BMX: variants seen among roughly 807,000 people sequenced by gnomAD.
The protein encoded by BMX is BMX non-receptor tyrosine kinase.
Under a neutral mutation model 59.2 loss-of-function variants are expected in BMX, and 31 were observed. The observed-to-expected ratio is 0.52, with a 90% CI of 0.39 to 0.71. The LOEUF (loss-of-function observed/expected upper bound fraction) is 0.71. Ranked by LOEUF, BMX falls within the 30% of genes least tolerant of loss-of-function variation. BMX has a pLI of 0.00. For missense variants in BMX, 474 were observed against 491.7 expected, an observed-to-expected ratio of 0.96 and a Z score of 0.34; for synonymous variants, 185 against 181.0, an observed-to-expected ratio of 1.02 and a Z score of -0.18.
chrX:15,503,403 A>G, intron 1 of BMX, among the ~76,000 whole-genome samples: 1 of 112,592 alleles, frequency 8.9e-6, no homozygotes, highest in East Asian at 2.8e-4. Context: ...ATTTATGGGT[A>G]GTTTCACCAA....
At chrX:15,553,132 A>G (rs1294523027) in intron 18 of BMX, among the ~76,000 whole-genome samples, 1 of 112,233 alleles carries the variant, frequency 8.9e-6, no homozygotes. Flanking sequence ...GGACCTGGAT[A>G]AATAAAAGCT....
chrX:15,516,824 C>T (rs776293854), intron 5 of BMX, among the ~76,000 whole-genome samples: 9 of 111,329 alleles, frequency 8.1e-5, no homozygotes, highest in Non-Finnish European at 1.3e-4. Flanking sequence ...GGCTGCTTTA[C>T]GTGAAATCAG....
chrX:15,516,753 T>C (rs1924178601), intron 5 of BMX, among the ~76,000 whole-genome samples: 1 of 111,235 alleles, frequency 9.0e-6, no homozygotes, highest in Non-Finnish European at 1.9e-5. Flanking sequence ...TTAAAATATA[T>C]ATTTAAAGCA....
rs1353106596 is a variant in BMX, at chrX:15,549,958, G to A, written c.1914G>A (p.Ser638=). Residue 638 remains serine (S), a synonymous_variant, in exon 18 of 19, where the codon TCG becomes TCA. Transcript: ENST00000348343. The part of the protein sequence containing the change: ...GHRLYRPHLA[S]DTIYQIMYSC... ...GGCTTTACCGGCCCCACCTGGCATC[G>A]GACACCATCTACCAGATCATGTACA... The A allele has an allele frequency of 9.1e-6, 11 of 1,206,996 alleles. No individual in the cohort carries two copies. The South Asian group carries it at 1.1e-4, about 12-fold the overall frequency.
chrX:15,556,344 T>C lies in BMX; in HGVS notation c.*197T>C, dbSNP rs986711876. The C allele has an allele frequency of 8.1e-6, 3 of 368,529 alleles. No individual in the cohort carries two copies. Among genetic ancestry groups the C allele is most frequent in the Admixed American group, 1.1e-4 (2 of 18,711 alleles). 30.4% of individuals were successfully genotyped at this position (368,529 alleles called of 1,213,427 possible). A position where few individuals can be genotyped will look rare whatever the true frequency, so the allele number is the denominator to read the frequency against. ...TTTAGATCAAATTAGTAATTTTGTTTATGCTGCTCCTGATATAACACTTTC... is the reference window on the plus strand; with the variant it reads ...TTTAGATCAAATTAGTAATTTTGTTCATGCTGCTCCTGATATAACACTTTC... On this transcript the variant is annotated 3_prime_UTR_variant, in exon 19 of 19. Coordinates refer to ENST00000348343, the MANE Select transcript of BMX (RefSeq NM_203281.3).
At chrX:15,532,469 T>C (rs186259505) in intron 11 of BMX, among the ~76,000 whole-genome samples, 2 of 111,926 alleles carry the variant, frequency 1.8e-5, no homozygotes, top group Admixed American at 1.9e-4. Context: ...GGGCTTCCAA[T>C]AGCCAAGTCA....
At chrX:15,537,337 C>A in intron 14 of BMX, 32 bp downstream of exon 14, 1 of 1,204,828 alleles carries the variant, frequency 8.3e-7, no homozygotes, top group East Asian at 3.0e-5. Flanking sequence ...GCTGTTTAGC[C>A]CTCATCATGG....
At chrX:15,527,193 CAAAA>C (rs1188631387) in intron 9 of BMX, among the ~76,000 whole-genome samples, 1 of 14,162 alleles carries the variant, frequency 7.1e-5, no homozygotes, top group Non-Finnish European at 1.2e-4. Context: ...GACTCTGTCT[CAAAA>C]AAAAAAAAAA....
chrX:15,538,339 C>T lies in BMX; in HGVS notation c.1394+1034C>T, dbSNP rs189197581. On this transcript the variant is annotated intron_variant, in intron 14 of 18. Coordinates refer to ENST00000348343, the MANE Select transcript of BMX (RefSeq NM_203281.3). ...TCTGGGAGGTTTTAGCACTGAAAGT[C>T]CTGTGTCCTAGGAAACCTCCCAGCC... is the stretch of plus-strand genomic sequence containing the variant. Among the ~76,000 whole-genome samples the T allele has an allele frequency of 1.8e-4, 20 of 111,154 alleles. No individual in the cohort carries two copies. In the Admixed American group the frequency reaches 1.9e-3, roughly 11 times the overall value.
intron 16 of BMX, among the ~76,000 whole-genome samples, chrX:15,545,564 C>A (rs1039717759): frequency 9.0e-6 from 1 of 111,537 alleles, no homozygotes; most frequent in Non-Finnish European, 1.9e-5. Context: ...GGTCATATAC[C>A]AGTTAAACTC....
At chrX:15,527,279 TATATACACAC>T (rs1569224762) in intron 9 of BMX, among the ~76,000 whole-genome samples, 8 of 53,020 alleles carry the variant, frequency 1.5e-4, no homozygotes, top group African/African-American at 6.5e-4. Flanking sequence ...TATATATATA[TATATACACAC>T]ACACACACAC....
At chrX:15,541,849 T>G in intron 14 of BMX, 133 bp from the exon 15 acceptor site, 1 of 615,760 alleles carries the variant, frequency 1.6e-6, no homozygotes, top group South Asian at 3.1e-5. Flanking sequence ...AACTTTTCCC[T>G]CTCTTTCTCT....
chrX:15,512,966 C>A (rs1924018554), intron 4 of BMX, among the ~76,000 whole-genome samples: 1 of 111,444 alleles, frequency 9.0e-6, no homozygotes, highest in Non-Finnish European at 1.9e-5. Flanking sequence ...AAAGGAAGAG[C>A]AGAGAAAGAA....
chrX:15,525,484 A>T, intron 8 of BMX, 119 bp downstream of exon 8: 1 of 708,646 alleles, frequency 1.4e-6, no homozygotes, highest in Non-Finnish European at 2.1e-6. Context: ...TAAACCAAAA[A>T]AGTCTATGTA....
At chrX:15,537,057 G>A in intron 13 of BMX, 77 bp from the exon 14 acceptor site, 1 of 1,042,369 alleles carries the variant, frequency 9.6e-7, no homozygotes, top group South Asian at 2.0e-5. Flanking sequence ...TCCCATTGGA[G>A]AAGAAATCAC....
intron 14 of BMX, among the ~76,000 whole-genome samples, chrX:15,538,488 G>C: frequency 8.9e-6 from 1 of 112,068 alleles, no homozygotes; most frequent in East Asian, 2.8e-4. Context: ...TAGCCTGCTA[G>C]AGATTGAGAG....
chrX:15,525,157 C>T, intron 7 of BMX, 131 bp from the exon 8 acceptor site: 2 of 623,488 alleles, frequency 3.2e-6, no homozygotes, highest in Non-Finnish European at 4.7e-6. Context: ...CTTAAATTTC[C>T]CAAACAAGTG....
At chrX:15,543,915 A>G (rs1925822555) in intron 16 of BMX, among the ~76,000 whole-genome samples, 1 of 112,124 alleles carries the variant, frequency 8.9e-6, no homozygotes, top group Non-Finnish European at 1.9e-5. Context: ...AAACGAAGAC[A>G]TACACATTAA....
rs1331515026 is a variant in BMX, at chrX:15,505,064, G to C, written c.-9-3281G>C. 2.0e-4 allele frequency among the ~76,000 whole-genome samples: 23 copies of C among 112,309 alleles called. No individual in the cohort carries two copies. In the Admixed American group the frequency reaches 2.2e-3, roughly 11 times the overall value. The stretch of plus-strand genomic sequence containing the variant: ...GGCATTTGACTTAACAGTAAGCCCT[G>C]TTTATTTATTGTCACAATACGAGGG... On this transcript the variant is annotated intron_variant, in intron 1 of 18. Coordinates refer to ENST00000348343, the MANE Select transcript of BMX (RefSeq NM_203281.3).
Sources: gnomAD v4.1 joint callset for allele counts (sites outside exome capture counted in the v4.1 genomes callset) on GRCh38, gnomAD v4.1.1 for gene constraint, MANE v1.5 for transcripts, NCBI Gene and HGNC (gene_info 2026-07-23, HGNC 2026-07-21) for gene names.